Variants in CSMD2 observed in about 807,000 individuals in gnomAD.
CSMD2 encodes the protein CUB and sushi domain-containing protein 2.
A neutral mutation model predicts 398.5 loss-of-function variants in CSMD2; 130 were observed. The ratio of observed to expected loss-of-function variants is 0.33; its 90% CI spans 0.28 to 0.38. The LOEUF is 0.38. Among genes scored for constraint, CSMD2 ranks in the 10% least tolerant of loss-of-function variants. The pLI, the probability that CSMD2 is intolerant of heterozygous loss-of-function variation, is 1.00. For synonymous variants in CSMD2, 1,828 were observed against 1,908.5 expected, an observed-to-expected ratio of 0.96 and a Z score of 1.10; for missense variants, 3,829 against 4,764.9, an observed-to-expected ratio of 0.80 and a Z score of 5.78.
intron 13 of CSMD2, among the ~76,000 whole-genome samples, chr1:33,760,394 G>T (rs925597112): frequency 6.6e-6 from 1 of 152,164 alleles, no homozygotes; most frequent in African/African-American, 2.4e-5. Context: ...AAGGCCTCCT[G>T]CCCTATGCTA....
At chr1:34,089,403 T>C (rs147853423) in intron 1 of CSMD2, among the ~76,000 whole-genome samples, 2 of 152,230 alleles carry the variant, frequency 1.3e-5, no homozygotes, top group East Asian at 3.9e-4. Flanking sequence ...AGGTGATACA[T>C]TGTGTATCAT....
At chr1:33,962,696 C>T (rs1456444541) in intron 3 of CSMD2, among the ~76,000 whole-genome samples, 1 of 152,144 alleles carries the variant, frequency 6.6e-6, no homozygotes, top group Non-Finnish European at 1.5e-5. Flanking sequence ...TTGCAGCTCC[C>T]TCTGCCTGGA....
At chr1:33,766,589 G>A (rs183468660) in intron 13 of CSMD2, among the ~76,000 whole-genome samples, 22 of 152,326 alleles carry the variant, frequency 1.4e-4, no homozygotes, top group African/African-American at 3.6e-4. Context: ...GACACGGACC[G>A]TGCCCAATTC....
At chr1:33,790,014 C>A (rs949405236) in intron 11 of CSMD2, among the ~76,000 whole-genome samples, 1 of 152,116 alleles carries the variant, frequency 6.6e-6, no homozygotes, top group Non-Finnish European at 1.5e-5. Flanking sequence ...TCCTCAATAG[C>A]CTTTTCAAAA....
chr1:33,664,191 C>T (rs1301913934), intron 25 of CSMD2, among the ~76,000 whole-genome samples: 2 of 152,166 alleles, frequency 1.3e-5, no homozygotes, highest in East Asian at 3.8e-4. Flanking sequence ...CACAGCCAAC[C>T]TGTTCTCCAG....
intron 67 of CSMD2, among the ~76,000 whole-genome samples, chr1:33,522,075 C>T (rs1286810457): frequency 1.3e-5 from 2 of 152,186 alleles, no homozygotes; most frequent in Non-Finnish European, 2.9e-5. Context: ...GGGGGCGTAG[C>T]TGGGGACATA....
chr1:33,601,080 A>G, intron 43 of CSMD2, 70 bp from the exon 44 acceptor site: 1 of 1,598,428 alleles, frequency 6.3e-7, no homozygotes, highest in South Asian at 1.1e-5. Flanking sequence ...TGGTGCCATC[A>G]GTGGCCTTAA....
intron 44 of CSMD2, among the ~76,000 whole-genome samples, chr1:33,597,750 A>G (rs1453232752): frequency 6.6e-6 from 1 of 152,254 alleles, no homozygotes; most frequent in Non-Finnish European, 1.5e-5. Flanking sequence ...CCACACAGAC[A>G]TGTACTCAAG....
At chr1:33,667,946 C>A (rs1289855828) in intron 25 of CSMD2, among the ~76,000 whole-genome samples, 1 of 152,110 alleles carries the variant, frequency 6.6e-6, no homozygotes, top group Non-Finnish European at 1.5e-5. Context: ...AATAACCCCC[C>A]AGACACAAAC....
At chr1:33,517,411 G>A (rs1259830998) in intron 70 of CSMD2, among the ~76,000 whole-genome samples, 1 of 152,220 alleles carries the variant, frequency 6.6e-6, no homozygotes, top group Non-Finnish European at 1.5e-5. Context: ...CAGAACCCAG[G>A]TGTGGAGCAA....
chr1:33,759,501 AT>A (rs1649536520), intron 13 of CSMD2, among the ~76,000 whole-genome samples: 1 of 150,972 alleles, frequency 6.6e-6, no homozygotes, highest in Non-Finnish European at 1.5e-5. Context: ...AATTTTTTGT[AT>A]TTTTAGTAGA....
intron 2 of CSMD2, among the ~76,000 whole-genome samples, chr1:34,036,748 C>T (rs1651176931): frequency 6.6e-6 from 1 of 152,128 alleles, no homozygotes; most frequent in Non-Finnish European, 1.5e-5. Context: ...GTACATGGAA[C>T]CTCTCCTGTG....
At chr1:33,634,337 G>A (rs546241839) in intron 31 of CSMD2, among the ~76,000 whole-genome samples, 1 of 152,200 alleles carries the variant, frequency 6.6e-6, no homozygotes, top group African/African-American at 2.4e-5. Context: ...AATGTTTGGC[G>A]AACGCCTCAA....
chr1:33,641,822 G>A (rs913178322), intron 29 of CSMD2, among the ~76,000 whole-genome samples: 1 of 152,196 alleles, frequency 6.6e-6, no homozygotes, highest in African/African-American at 2.4e-5. Flanking sequence ...TGGAGGCAGA[G>A]ACTTTGTTTG....
intron 25 of CSMD2, among the ~76,000 whole-genome samples, chr1:33,668,916 C>T (rs1644400594): frequency 6.6e-6 from 1 of 152,168 alleles, no homozygotes; most frequent in African/African-American, 2.4e-5. Context: ...ACACCCAAAA[C>T]ATAATAATAT....
chr1:33,545,936 G>A (rs552581352), intron 57 of CSMD2, 101 bp downstream of exon 57: 21 of 1,168,016 alleles, frequency 1.8e-5, no homozygotes, highest in Middle Eastern at 6.1e-4. Context: ...ATGGGGCCAC[G>A]GTTTTTTTCT....
intron 44 of CSMD2, chr1:33,599,884 T>C: frequency 2.4e-6 from 1 of 417,254 alleles, no homozygotes; most frequent in Non-Finnish European, 4.2e-6. Context: ...TTTCTGCAAG[T>C]GCACGCATGA....
intron 3 of CSMD2, among the ~76,000 whole-genome samples, chr1:33,938,572 G>T (rs1441055461): frequency 6.6e-6 from 1 of 151,084 alleles, no homozygotes; most frequent in African/African-American, 2.4e-5. Flanking sequence ...CCATGTTGCT[G>T]GCTTACTTGG....
At chr1:33,938,203 AT>A (rs1434895211) in intron 3 of CSMD2, among the ~76,000 whole-genome samples, 1 of 152,220 alleles carries the variant, frequency 6.6e-6, no homozygotes. Context: ...ATTTACCTCT[AT>A]TGCCCTGTCC....
Sources: gnomAD v4.1 joint callset for allele counts (sites outside exome capture counted in the v4.1 genomes callset) on GRCh38, gnomAD v4.1.1 for gene constraint, MANE v1.5 for transcripts, NCBI Gene and HGNC (gene_info 2026-07-23, HGNC 2026-07-21) for gene names.